Variants in GPR179 observed in about 807,000 individuals in gnomAD.
GPR179 encodes probable G protein-coupled receptor 179.
In GPR179, 52 loss-of-function variants were observed where a neutral mutation model predicts 70.8. That is an observed-to-expected ratio of 0.73 (90% confidence interval 0.59 to 0.93). The LOEUF (loss-of-function observed/expected upper bound fraction) is 0.93, where lower values mean the gene tolerates loss of function less well. Ranked by LOEUF, GPR179 falls within the 40% of genes least tolerant of loss-of-function variation. GPR179 has a pLI of 0.00. For missense variants in GPR179, 2,734 were observed against 2,966.8 expected (o/e 0.92, Z 1.82); for synonymous variants, 1,123 against 1,169.0 (o/e 0.96, Z 0.80).
At chr17:38,335,845 A>G (rs1684575376) in intron 5 of GPR179, 145 bp from the exon 6 acceptor site, 1 of 679,268 alleles carries the variant, frequency 1.5e-6, no homozygotes, top group African/African-American at 1.8e-5. Context: ...CTGAAGTGTC[A>G]AAGAAGTTAG....
chr17:38,334,344 G>A lies in GPR179; in HGVS notation c.1785-306C>T, dbSNP rs1400280245. On this transcript the variant is annotated intron_variant, in intron 8 of 10. Transcript: ENST00000616987. This position sits in a 1 kb window ranked among gnomAD's most constrained non-coding sequence, Gnocchi z 4.7. Reference sequence around the variant, plus strand: ...CTCCACCACAGGGTCTGGTCGTTATGGACAAACAGCAGCCTGCTGCTCTTA... The same window carrying A: ...CTCCACCACAGGGTCTGGTCGTTATAGACAAACAGCAGCCTGCTGCTCTTA... 1.3e-5 allele frequency among the ~76,000 whole-genome samples: 2 copies of A among 152,342 alleles called. No individual in the cohort carries two copies. The highest frequency in any genetic ancestry group is 2.4e-5 in the African/African-American group (1 of 41,568).
rs769498331 is a variant in GPR179, at chr17:38,337,172, ACC to A, written c.1031_1032del (p.Gly344ValfsTer17). On this transcript the variant is annotated frameshift_variant, in exon 4 of 11. Coordinates refer to ENST00000616987, the MANE Select transcript of GPR179 (RefSeq NM_001004334.4). LOFTEE classifies it high-confidence loss of function. ...AGTCTCCCAGATCTGCCTTCTGGGA[ACC>A]CGAATTGCCCGGTAGTCTGGAAGTC... ...ESDFQTTGQF[G>X]FPEGRSGRLL... 1 of 1,613,016 alleles carries A rather than the reference ACC, an allele frequency of 6.2e-7. No individual in the cohort carries two copies. Among genetic ancestry groups the A allele is most frequent in the South Asian group, 1.1e-5 (1 of 90,792 alleles).
intron 1 of GPR179, among the ~76,000 whole-genome samples, chr17:38,341,491 C>T (rs567520219): frequency 6.6e-6 from 1 of 152,350 alleles, no homozygotes; most frequent in Admixed American, 6.5e-5. Flanking sequence ...AGCAGTTCCC[C>T]AGCCTTTGCT....
chr17:38,339,663 G>A lies in GPR179; in HGVS notation c.795-138C>T, dbSNP rs928024156. 11 of 638,342 alleles carry A rather than the reference G, an allele frequency of 1.7e-5. No individual in the cohort carries two copies. In the African/African-American group the frequency reaches 2.0e-4, roughly 12 times the overall value. 39.5% of individuals were successfully genotyped at this position (638,342 alleles called of 1,614,324 possible). On this transcript the variant is annotated intron_variant, in intron 1 of 10. Transcript: ENST00000616987. Reference sequence around the variant, plus strand: ...ATGCTGAGGACTTTGAACTAAAGGAGATTAGAAGGGTTCAGAAGTAAGGTC... The same window carrying A: ...ATGCTGAGGACTTTGAACTAAAGGAAATTAGAAGGGTTCAGAAGTAAGGTC...
rs889934387 is a variant in GPR179, at chr17:38,335,217, G to A, written c.1461C>T (p.Ser487=). 3.1e-5 allele frequency: 48 copies of A among 1,554,566 alleles called. No homozygotes were observed. The highest frequency in any genetic ancestry group is 3.9e-5 in the Admixed American group (2 of 51,200). Residue 487 remains serine, a synonymous_variant, in exon 7 of 11, where the codon AGC becomes AGT. Coordinates refer to ENST00000616987, the MANE Select transcript of GPR179 (RefSeq NM_001004334.4). The part of the protein sequence containing the change: ...RTAQRSALLS[S]GRLLRHLGLL... ...GCCCCAGGTGCCGCAGCAGCCGCCC[G>A]CTGCTCAGAAGGGCACTCCGCTGGG...
At chr17:38,336,946 CAT>C (rs769233180) in intron 4 of GPR179, 30 bp downstream of exon 4, 437 of 1,550,564 alleles carry the variant, frequency 2.8e-4, no homozygotes, top group Non-Finnish European at 3.7e-4. Flanking sequence ...ATGGGTCGGA[CAT>C]GTGTGTAGGA....
At position 38,337,024 on chromosome 17, in the gene GPR179, G is replaced by A. The variant is rs1208455040; in HGVS notation, c.1181C>T (p.Ala394Val). 1 of 1,607,958 alleles carries A rather than the reference G, an allele frequency of 6.2e-7. No homozygotes were observed. Among genetic ancestry groups the A allele is most frequent in the South Asian group, 1.1e-5 (1 of 89,814 alleles). The change falls in exon 4 of 11, where the codon GCC (alanine) becomes GTC (valine). Residue 394 changes from alanine to valine, a missense_variant. By Grantham distance (64) the Ala-to-Val change is moderately conservative. Transcript: ENST00000616987. ...GGAGACCAGCATGCTCAGGAAGATG[G>A]CCAGCATGCAGCAGGCCTGGCAGGC... ...VLACQACCMLAIFLSMLVSYR... is the reference protein window; with the variant it reads ...VLACQACCMLVIFLSMLVSYR...
chr17:38,335,440 T>C, intron 6 of GPR179, 151 bp downstream of exon 6: 2 of 747,324 alleles, frequency 2.7e-6, no homozygotes. Flanking sequence ...CAAAGTAACA[T>C]GGAAGACAAG....
chr17:38,332,379 A>T (rs2037367573), intron 10 of GPR179, among the ~76,000 whole-genome samples: 1 of 152,166 alleles, frequency 6.6e-6, no homozygotes. Context: ...TTACCCACTG[A>T]GCCTCTTGTT....
At chr17:38,336,253 G>GT in intron 4 of GPR179, 109 bp from the exon 5 acceptor site, 6 of 786,714 alleles carry the variant, frequency 7.6e-6, no homozygotes, top group Non-Finnish European at 1.4e-5. Context: ...GCTTCACCCT[G>GT]TAACACTGGC....
chr17:38,337,583 A>G, intron 3 of GPR179, 50 bp downstream of exon 3: 1 of 1,502,088 alleles, frequency 6.7e-7, no homozygotes, highest in Non-Finnish European at 9.2e-7. Context: ...TACCCTCCCA[A>G]CCATCCTCTC....
At chr17:38,335,370 C>T in intron 6 of GPR179, 99 bp from the exon 7 acceptor site, 1 of 919,268 alleles carries the variant, frequency 1.1e-6, no homozygotes, top group Non-Finnish European at 1.7e-6. Context: ...GCCCTCTCCT[C>T]CACACAGGTA....
Position 38,326,763 on chromosome 17 carries a change from G to T in GPR179, c.6806C>A (p.Thr2269Lys). Residue 2269 changes from threonine (T) to lysine (K), a missense_variant, in exon 11 of 11, where the codon ACA becomes AAA. Thr to Lys is a moderately conservative substitution (Grantham distance 78). Coordinates refer to ENST00000616987, the MANE Select transcript of GPR179 (RefSeq NM_001004334.4). ...AAGGCATAGTGGTTTTTCAGGAGCT[G>T]TGGGGAAAAATTCTCTCCGAGTTGC... ...LTATRREFFP[T>K]APEKPLCLLV... 6.2e-7 allele frequency: 1 copy of T among 1,614,254 alleles called. No individual in the cohort carries two copies. The highest frequency in any genetic ancestry group is 8.5e-7 in the Non-Finnish European group (1 of 1,180,044).
Position 38,328,357 on chromosome 17 carries a change from G to C in GPR179, c.5212C>G (p.Leu1738Val). The change falls in exon 11 of 11, where the codon CTT (leucine) becomes GTT (valine). Residue 1738 changes from leucine to valine, a missense_variant. Transcript: ENST00000616987. ...GTAACAGCTCTCTCCCTGGGTCCAA[G>C]ATCTGCAGAAACCTTGCCTGTATCA... Reference protein sequence around the residue: ...PNDTGKVSADLGPRERAVTAP... With the variant: ...PNDTGKVSADVGPRERAVTAP... 6.2e-7 allele frequency: 1 copy of C among 1,613,640 alleles called. No homozygotes were observed. The highest frequency in any genetic ancestry group is 8.5e-7 in the Non-Finnish European group (1 of 1,179,950).
chr17:38,334,872 G>C lies in GPR179; in HGVS notation c.1646-30C>G. The C allele has an allele frequency of 6.2e-7, 1 of 1,607,750 alleles. No homozygotes were observed. Among genetic ancestry groups the C allele is most frequent in the Non-Finnish European group, 8.5e-7 (1 of 1,177,752 alleles). On this transcript the variant is annotated intron_variant, in intron 7 of 10. Transcript: ENST00000616987. The surrounding 1 kb of genome is among the most constrained non-coding windows in gnomAD (Gnocchi z 4.7). ...GGGGAGACAGGGAGGGAGAGAGCCG[G>C]CACCACCTCAGCAGCTGTCCCACCC... is the stretch of plus-strand genomic sequence containing the variant.
intron 1 of GPR179, among the ~76,000 whole-genome samples, chr17:38,341,650 G>C (rs2037449722): frequency 6.6e-6 from 1 of 152,158 alleles, no homozygotes; most frequent in African/African-American, 2.4e-5. Context: ...CTTCCCAATA[G>C]GACCCTCAAT....
chr17:38,328,063 C>G lies in GPR179; in HGVS notation c.5506G>C (p.Gly1836Arg). The G allele has an allele frequency of 6.2e-7, 1 of 1,614,178 alleles. No homozygotes were observed. Among genetic ancestry groups the G allele is most frequent in the Non-Finnish European group, 8.5e-7 (1 of 1,180,036 alleles). ...TCCCTCTGCTCTGCTGATTCACTCC[C>G]TGCCTTTTGGTCCAATCCCTTCCCA... is the stretch of plus-strand genomic sequence containing the variant. Reference protein sequence around the residue: ...TTGKGLDQKAGSESAEQREKA... With the variant: ...TTGKGLDQKARSESAEQREKA... Residue 1836 changes from glycine to arginine, a missense_variant, in exon 11 of 11, where the codon GGG becomes CGG. Physicochemically the swap from Gly to Arg is moderately radical, Grantham distance 125 (BLOSUM62 -2). Transcript: ENST00000616987.
Position 38,335,208 on chromosome 17 carries a change from C to T in GPR179, c.1470G>A (p.Leu490=), listed in dbSNP as rs780223478. ...QRSALLSSGR[L]LRHLGLLLLP... ...GCAGGAGCAGCCCCAGGTGCCGCAGCAGCCGCCCGCTGCTCAGAAGGGCAC... is the reference window on the plus strand; with the variant it reads ...GCAGGAGCAGCCCCAGGTGCCGCAGTAGCCGCCCGCTGCTCAGAAGGGCAC... The change falls in exon 7 of 11, where the codon CTG becomes CTA. Residue 490 remains leucine (L), a synonymous_variant. Transcript: ENST00000616987. The T allele has an allele frequency of 6.4e-6, 10 of 1,556,098 alleles. No homozygotes were observed. The highest frequency in any genetic ancestry group is 7.0e-6 in the Non-Finnish European group (8 of 1,149,958).
In GPR179 at chr17:38,329,101, G is replaced by A; in HGVS notation, c.4468C>T (p.Gln1490Ter). 3 of 1,611,328 alleles carry A rather than the reference G, an allele frequency of 1.9e-6. No homozygotes were observed. Among genetic ancestry groups the A allele is most frequent in the Non-Finnish European group, 1.7e-6 (2 of 1,179,172 alleles). ...PWELDDNVMG[Q>*]EMLSLGTGRE... ...CCTGTCCCCAGACTCAGCATTTCCT[G>A]CCCCATCACGTTATCATCCAGCTCC... is the stretch of plus-strand genomic sequence containing the variant. The change falls in exon 11 of 11, where the codon CAG (glutamine) becomes TAG (stop). Residue 1490 changes from glutamine to a stop codon, truncating the protein, a stop_gained. Transcript: ENST00000616987. LOFTEE classifies it low-confidence loss of function (END_TRUNC).
Sources: gnomAD v4.1 joint callset for allele counts (sites outside exome capture counted in the v4.1 genomes callset) on GRCh38, gnomAD v4.1.1 for gene constraint, Gnocchi (gnomAD v3.1) non-coding constraint, MANE v1.5 for transcripts, NCBI Gene and HGNC (gene_info 2026-07-23, HGNC 2026-07-21) for gene names.